Variants in DNAJC13 observed in about 807,000 individuals in gnomAD.
DNAJC13 encodes DnaJ heat shock protein family (Hsp40) member C13, also known as dnaJ homolog subfamily C member 13.
In DNAJC13, 75 loss-of-function variants were observed where a neutral mutation model predicts 290.5. The ratio of observed to expected loss-of-function variants is 0.26; its 90% CI spans 0.21 to 0.31. The LOEUF (loss-of-function observed/expected upper bound fraction) is 0.31. Ranked by LOEUF, DNAJC13 falls within the 10% of genes least tolerant of loss-of-function variation. DNAJC13 has a pLI of 1.00. For missense variants in DNAJC13, 2,260 were observed against 2,674.5 expected (o/e 0.85, Z 3.42); for synonymous variants, 862 against 892.0 (o/e 0.97, Z 0.60).
At chr3:132,500,026 C>T (rs1235950985) in intron 38 of DNAJC13, among the ~76,000 whole-genome samples, 1 of 152,196 alleles carries the variant, frequency 6.6e-6, no homozygotes, top group African/African-American at 2.4e-5. Context: ...GTGTATCACA[C>T]TGTAAGAAAC....
intron 48 of DNAJC13, among the ~76,000 whole-genome samples, chr3:132,522,502 AC>A (rs1936121032): frequency 6.6e-6 from 1 of 152,152 alleles, no homozygotes. Flanking sequence ...GTAAGGCAAG[AC>A]CTATGAGGTG....
chr3:132,457,502 A>G (rs1393815209), intron 13 of DNAJC13, 134 bp downstream of exon 13: 1 of 697,882 alleles, frequency 1.4e-6, no homozygotes, highest in African/African-American at 1.8e-5. Context: ...AGTTACTCAA[A>G]CCTTTGTTTA....
chr3:132,494,990 C>A (rs1014626280), intron 34 of DNAJC13, 98 bp from the exon 35 acceptor site: 1 of 763,590 alleles, frequency 1.3e-6, no homozygotes, highest in Non-Finnish European at 2.1e-6. Context: ...ATATACAATT[C>A]TTGATATTAG....
At chr3:132,457,512 A>G in intron 13 of DNAJC13, 144 bp downstream of exon 13, 2 of 648,452 alleles carry the variant, frequency 3.1e-6, no homozygotes, top group Non-Finnish European at 2.6e-6. Flanking sequence ...ACCTTTGTTT[A>G]GCATATCCTA....
chr3:132,511,372 C>T (rs780675224), intron 44 of DNAJC13, 128 bp downstream of exon 44: 95 of 1,085,122 alleles, frequency 8.8e-5, no homozygotes, highest in Middle Eastern at 2.5e-4. Flanking sequence ...TATAACATTA[C>T]AGGGAATTGA....
At chr3:132,476,621 C>T (rs1165146616) in intron 22 of DNAJC13, among the ~76,000 whole-genome samples, 2 of 152,168 alleles carry the variant, frequency 1.3e-5, no homozygotes, top group African/African-American at 4.8e-5. Context: ...TGTGTAACCC[C>T]CAATGCTAAG....
chr3:132,499,345 GT>G, intron 37 of DNAJC13, 35 bp downstream of exon 37: 1 of 1,517,390 alleles, frequency 6.6e-7, no homozygotes, highest in Non-Finnish European at 8.9e-7. Context: ...TTTTAAGCCA[GT>G]TTACACACAT....
At chr3:132,532,104 G>A (rs1039360995) in intron 55 of DNAJC13, among the ~76,000 whole-genome samples, 2 of 152,116 alleles carry the variant, frequency 1.3e-5, no homozygotes, top group African/African-American at 4.8e-5. Context: ...GGAATATGAG[G>A]CGGTTCTTGC....
At chr3:132,450,025 T>C (rs570212024) in intron 5 of DNAJC13, among the ~76,000 whole-genome samples, 12 of 152,196 alleles carry the variant, frequency 7.9e-5, no homozygotes, top group Non-Finnish European at 1.6e-4. Flanking sequence ...TTTCTGACAC[T>C]CAGCTACTTT....
intron 42 of DNAJC13, among the ~76,000 whole-genome samples, chr3:132,506,184 C>G (rs1037912351): frequency 1.0e-4 from 15 of 149,916 alleles, no homozygotes; most frequent in African/African-American, 3.7e-4. Flanking sequence ...TCTCGAGTAG[C>G]TGGGATTACA....
intron 41 of DNAJC13, among the ~76,000 whole-genome samples, chr3:132,504,338 T>C (rs1935520250): frequency 6.6e-6 from 1 of 151,728 alleles, no homozygotes; most frequent in Admixed American, 6.6e-5. Flanking sequence ...AATTTTGTTT[T>C]TGTTTTTACT....
chr3:132,489,735 T>G (rs990760101), intron 31 of DNAJC13, among the ~76,000 whole-genome samples: 1 of 152,122 alleles, frequency 6.6e-6, no homozygotes, highest in African/African-American at 2.4e-5. Context: ...ATATGTTTTA[T>G]AGAGCAGCCA....
intron 27 of DNAJC13, 54 bp downstream of exon 27, chr3:132,482,384 C>T (rs1934707840): frequency 7.3e-7 from 1 of 1,372,122 alleles, no homozygotes; most frequent in Non-Finnish European, 1.0e-6. Flanking sequence ...TTATGCCCTC[C>T]TGCTTAGCAC....
chr3:132,527,304 G>A (rs958233058), intron 53 of DNAJC13, among the ~76,000 whole-genome samples: 3 of 152,188 alleles, frequency 2.0e-5, no homozygotes, highest in African/African-American at 7.2e-5. Flanking sequence ...CCTGCCAGAT[G>A]ACTAAGTGAC....
rs1008448075 is a variant in DNAJC13 at position 132,509,136 on chromosome 3, A to G, written c.5115+1783A>G. Among the ~76,000 whole-genome samples the G allele has an allele frequency of 3.3e-5, 5 of 152,252 alleles. No individual in the cohort carries two copies. In the South Asian group the frequency reaches 1.0e-3, roughly 32 times the overall value. On this transcript the variant is annotated intron_variant, in intron 43 of 55. Transcript: ENST00000260818. ...TTCCTCTAATGGATGTGGGCAAAGC[A>G]AATTGAAAACCTTCTGGAAAGGATT...
At chr3:132,481,040 T>C (rs1319502780) in intron 26 of DNAJC13, among the ~76,000 whole-genome samples, 2 of 152,198 alleles carry the variant, frequency 1.3e-5, no homozygotes, top group Non-Finnish European at 2.9e-5. Context: ...ACACATACAA[T>C]ACATTAACTT....
At chr3:132,427,092 TGTGTGTGTGTGCAC>T (rs1939112011) in intron 1 of DNAJC13, among the ~76,000 whole-genome samples, 1 of 149,240 alleles carries the variant, frequency 6.7e-6, no homozygotes, top group Non-Finnish European at 1.5e-5. Flanking sequence ...TGTGTGTGTG[TGTGTGTGTGTGCAC>T]GTGTGTGTGT....
intron 55 of DNAJC13, among the ~76,000 whole-genome samples, chr3:132,532,180 T>TA (rs1936436154): frequency 6.6e-6 from 1 of 152,192 alleles, no homozygotes; most frequent in Non-Finnish European, 1.5e-5. Flanking sequence ...CCAAAGATGA[T>TA]AAACTAAGAG....
chr3:132,456,859 C>A (rs571078044), intron 12 of DNAJC13, 27 bp downstream of exon 12: 1 of 1,606,660 alleles, frequency 6.2e-7, no homozygotes. Context: ...AACTTAACTT[C>A]TCTTAGAGAA....
Sources: gnomAD v4.1 joint callset for allele counts (sites outside exome capture counted in the v4.1 genomes callset) on GRCh38, gnomAD v4.1.1 for gene constraint, MANE v1.5 for transcripts, NCBI Gene and HGNC (gene_info 2026-07-23, HGNC 2026-07-21) for gene names.